Variants in SRPK2 observed in about 807,000 individuals in gnomAD.
SRPK2 encodes the protein SRSF protein kinase 2.
A neutral mutation model predicts 90.8 loss-of-function variants in SRPK2; 21 were observed. That is an observed-to-expected ratio of 0.23 (90% CI 0.16 to 0.33). The LOEUF is 0.33. SRPK2 is among the 10% of genes least tolerant of loss of function. The probability of loss-of-function intolerance (pLI) is 1.00; values close to 1 mark genes in which losing one functional copy is unlikely to be tolerated. For synonymous variants in SRPK2, 288 were observed against 311.1 expected (o/e 0.93, Z 0.78); for missense variants, 620 against 869.0 (o/e 0.71, Z 3.60).
At chr7:105,272,857 C>T (rs1805997755) in intron 2 of SRPK2, among the ~76,000 whole-genome samples, 1 of 152,178 alleles carries the variant, frequency 6.6e-6, no homozygotes, top group South Asian at 2.1e-4. Flanking sequence ...AACAGCAACA[C>T]CATTGCCGTA....
chr7:105,365,916 G>A (rs1818996425), intron 2 of SRPK2, among the ~76,000 whole-genome samples: 1 of 151,124 alleles, frequency 6.6e-6, no homozygotes, highest in African/African-American at 2.4e-5. Context: ...AGTGCATGGC[G>A]CGATCTCGGC....
At chr7:105,181,677 A>C (rs1454357199) in intron 3 of SRPK2, among the ~76,000 whole-genome samples, 1 of 152,072 alleles carries the variant, frequency 6.6e-6, no homozygotes, top group Non-Finnish European at 1.5e-5. Flanking sequence ...TGAGAACACA[A>C]AGACACAAAG....
intron 2 of SRPK2, among the ~76,000 whole-genome samples, chr7:105,307,437 A>G (rs755055794): frequency 6.6e-6 from 1 of 152,250 alleles, no homozygotes; most frequent in Non-Finnish European, 1.5e-5. Flanking sequence ...GGTGAACAGA[A>G]TCACTGACCA....
At chr7:105,382,256 TAA>T (rs1337111696) in intron 2 of SRPK2, among the ~76,000 whole-genome samples, 1 of 146,056 alleles carries the variant, frequency 6.8e-6, no homozygotes, top group Non-Finnish European at 1.5e-5. Context: ...TTGTTACCAA[TAA>T]AAAGGAAAGC....
chr7:105,192,767 G>A (rs528118500), intron 3 of SRPK2, among the ~76,000 whole-genome samples: 1 of 152,194 alleles, frequency 6.6e-6, no homozygotes, highest in East Asian at 1.9e-4. Context: ...GTATTGCATT[G>A]TGATTTTGAT....
At chr7:105,177,219 T>A (rs371574483) in intron 3 of SRPK2, among the ~76,000 whole-genome samples, 12 of 152,172 alleles carry the variant, frequency 7.9e-5, no homozygotes, top group East Asian at 5.8e-4. Flanking sequence ...GATGACTTGC[T>A]TTTTTTAAAA....
chr7:105,283,771 G>C (rs991939145), intron 2 of SRPK2, among the ~76,000 whole-genome samples: 4 of 152,012 alleles, frequency 2.6e-5, no homozygotes, highest in African/African-American at 4.8e-5. Context: ...CAGGCAAGTC[G>C]TTTGAGCCCA....
At chr7:105,335,828 C>T (rs919688903) in intron 2 of SRPK2, among the ~76,000 whole-genome samples, 3 of 151,638 alleles carry the variant, frequency 2.0e-5, no homozygotes, top group Admixed American at 1.3e-4. Flanking sequence ...TGGTGGCAGG[C>T]ACCTGTAATC....
intron 2 of SRPK2, among the ~76,000 whole-genome samples, chr7:105,205,517 TCACACACACACAC>T (rs1796105429): frequency 1.0e-5 from 1 of 95,794 alleles, no homozygotes; most frequent in Non-Finnish European, 2.4e-5. Context: ...TCTCTCTCTC[TCACACACACACAC>T]ACACACACAC....
intron 2 of SRPK2, among the ~76,000 whole-genome samples, chr7:105,382,174 A>G (rs2132677755): frequency 6.6e-6 from 1 of 152,062 alleles, no homozygotes; most frequent in South Asian, 2.1e-4. Flanking sequence ...TCTCAAAAAA[A>G]AAAGTAGAAG....
chr7:105,311,396 C>T (rs1430918895), intron 2 of SRPK2, among the ~76,000 whole-genome samples: 1 of 152,130 alleles, frequency 6.6e-6, no homozygotes, highest in Non-Finnish European at 1.5e-5. Context: ...CCACGCCTAG[C>T]TAACTTTTTG....
intron 2 of SRPK2, among the ~76,000 whole-genome samples, chr7:105,286,667 A>G (rs920865693): frequency 2.6e-5 from 4 of 152,212 alleles, no homozygotes; most frequent in African/African-American, 9.6e-5. Flanking sequence ...TATTGAGATC[A>G]CTGGTTTTAC....
intron 2 of SRPK2, chr7:105,269,147 T>C: frequency 9.9e-7 from 1 of 1,012,536 alleles, no homozygotes. Context: ...ACTAGCATGG[T>C]TCTACAAGAT....
At chr7:105,362,338 T>G (rs1415816580) in intron 2 of SRPK2, among the ~76,000 whole-genome samples, 4 of 152,070 alleles carry the variant, frequency 2.6e-5, no homozygotes, top group Non-Finnish European at 5.9e-5. Context: ...CCGGGCGCGG[T>G]GGCTCACGCC....
At chr7:105,170,275 C>A (rs1436137017) in intron 3 of SRPK2, among the ~76,000 whole-genome samples, 1 of 152,142 alleles carries the variant, frequency 6.6e-6, no homozygotes, top group African/African-American at 2.4e-5. Flanking sequence ...ATTCTGCATA[C>A]ATTAATGGTT....
chr7:105,383,844 T>C (rs568476770), intron 2 of SRPK2, among the ~76,000 whole-genome samples: 13 of 152,328 alleles, frequency 8.5e-5, no homozygotes, highest in African/African-American at 4.8e-5. Context: ...CTTGAAAACA[T>C]TGTTCTAAGG....
intron 2 of SRPK2, chr7:105,204,687 C>A: frequency 1.0e-6 from 1 of 971,574 alleles, no homozygotes; most frequent in South Asian, 1.3e-5. Context: ...AACGGCAGCC[C>A]TCAGGCCTGC....
At chr7:105,347,287 C>T (rs939946103) in intron 2 of SRPK2, among the ~76,000 whole-genome samples, 1 of 151,982 alleles carries the variant, frequency 6.6e-6, no homozygotes, top group Non-Finnish European at 1.5e-5. Flanking sequence ...GTCTTAAACT[C>T]CTGGACTCAA....
chr7:105,298,335 G>A (rs9641344), intron 2 of SRPK2, among the ~76,000 whole-genome samples: 1 of 152,178 alleles, frequency 6.6e-6, no homozygotes, highest in African/African-American at 2.4e-5. Flanking sequence ...CTGATGAGTA[G>A]TATTCCATTG....
Sources: gnomAD v4.1 joint callset for allele counts (sites outside exome capture counted in the v4.1 genomes callset) on GRCh38, gnomAD v4.1.1 for gene constraint, MANE v1.5 for transcripts, NCBI Gene and HGNC (gene_info 2026-07-23, HGNC 2026-07-21) for gene names.